PHTF2: variants seen among roughly 807,000 people sequenced by gnomAD.
The protein encoded by PHTF2 is protein PHTF2.
Under a neutral mutation model 101.2 loss-of-function variants are expected in PHTF2, and 60 were observed. The ratio of observed to expected loss-of-function variants is 0.59; its 90% CI spans 0.48 to 0.73. The LOEUF is 0.73. Among genes scored for constraint, PHTF2 ranks in the 30% least tolerant of loss-of-function variants. The pLI is 0.00. For synonymous variants in PHTF2, 311 were observed against 307.3 expected (o/e 1.01, Z -0.13); for missense variants, 747 against 908.7 (o/e 0.82, Z 2.29).
At chr7:77,841,140 C>T (rs142720803) in intron 2 of PHTF2, among the ~76,000 whole-genome samples, 1,410 of 123,648 alleles carry the variant, frequency 0.011, 9 homozygotes, top group Middle Eastern at 0.051. Context: ...AGTGTAGTGG[C>T]GCGATCTCGG....
chr7:77,904,523 G>A (rs1446822894), intron 7 of PHTF2, among the ~76,000 whole-genome samples: 1 of 152,172 alleles, frequency 6.6e-6, no homozygotes, highest in Non-Finnish European at 1.5e-5. Flanking sequence ...CATTCTGAGG[G>A]GTGGAAGTGC....
chr7:77,881,301 C>T lies in PHTF2; in HGVS notation c.148-12307C>T, dbSNP rs1393475085. On this transcript the variant is annotated intron_variant, in intron 3 of 19. Transcript: ENST00000416283. ...TATCCAATTTTTGTAAGTCTCATTA[C>T]CTGCTTTTGATTCTTCTCCCCTCCA... Among the ~76,000 whole-genome samples, 10 of 152,248 alleles carry T rather than the reference C, an allele frequency of 6.6e-5. No homozygotes were observed. The East Asian group carries it at 1.7e-3, about 26-fold the overall frequency.
At chr7:77,932,404 G>A (rs1423411598) in intron 12 of PHTF2, among the ~76,000 whole-genome samples, 4 of 152,118 alleles carry the variant, frequency 2.6e-5, no homozygotes, top group African/African-American at 9.7e-5. Context: ...CATGCAGCAA[G>A]CAAGATGGTA....
chr7:77,949,693 G>A (rs200726377), exon 17 of PHTF2: 89 of 1,570,064 alleles, frequency 5.7e-5, no homozygotes, highest in Non-Finnish European at 7.3e-5. Flanking sequence ...TCATGTACAC[G>A]AGATCTTCCT....
chr7:77,911,008 G>A (rs140330071), intron 9 of PHTF2, among the ~76,000 whole-genome samples: 1 of 152,244 alleles, frequency 6.6e-6, no homozygotes, highest in Admixed American at 6.5e-5. Flanking sequence ...AAAATTGGCT[G>A]TATTAAAATG....
chr7:77,917,169 T>A (rs992293098), intron 9 of PHTF2, among the ~76,000 whole-genome samples: 5 of 152,164 alleles, frequency 3.3e-5, no homozygotes, highest in African/African-American at 7.2e-5. Context: ...GATGATCAGA[T>A]CAACCTAATT....
intron 9 of PHTF2, among the ~76,000 whole-genome samples, chr7:77,916,205 T>A (rs1404585338): frequency 6.6e-6 from 1 of 152,188 alleles, no homozygotes; most frequent in Admixed American, 6.5e-5. Context: ...TTAACTTCCC[T>A]TTTAAAAATG....
chr7:77,914,748 A>G (rs889206412), intron 9 of PHTF2, among the ~76,000 whole-genome samples: 2 of 152,140 alleles, frequency 1.3e-5, no homozygotes, highest in African/African-American at 2.4e-5. Context: ...TCAATTTTCA[A>G]TATTCTGAAA....
At position 77,814,330 on chromosome 7, in the gene PHTF2, C is replaced by A. The variant is rs1049791402; in HGVS notation, c.-36+15359C>A. 5.3e-5 allele frequency among the ~76,000 whole-genome samples: 8 copies of A among 152,132 alleles called. 1 individual carries two copies. Among genetic ancestry groups the A allele is most frequent in the Admixed American group, 5.2e-4 (8 of 15,276 alleles). ...ACATAACCTTGTTTCATATGTGTTT[C>A]TATTTAAAGACACCTTATTTAATTT... On this transcript the variant is annotated intron_variant, in intron 1 of 19. Transcript: ENST00000416283.
chr7:77,859,230 C>G (rs530853453), intron 3 of PHTF2, among the ~76,000 whole-genome samples: 7 of 152,282 alleles, frequency 4.6e-5, no homozygotes, highest in Non-Finnish European at 1.0e-4. Flanking sequence ...CTGCAAAGAC[C>G]TTATTTCCAA....
chr7:77,804,486 C>A (rs1039817272), intron 1 of PHTF2, among the ~76,000 whole-genome samples: 5 of 152,062 alleles, frequency 3.3e-5, no homozygotes, highest in Non-Finnish European at 2.9e-5. Flanking sequence ...TCACCGTGCC[C>A]GGCTAATTTT....
intron 1 of PHTF2, among the ~76,000 whole-genome samples, chr7:77,826,450 G>A (rs1794703283): frequency 1.3e-5 from 2 of 152,226 alleles, no homozygotes; most frequent in Non-Finnish European, 2.9e-5. Flanking sequence ...TAGTATGGTG[G>A]CTTCACCCAA....
intron 8 of PHTF2, 93 bp from the exon 8 acceptor site, chr7:77,910,152 T>G: frequency 1.1e-6 from 1 of 899,754 alleles, no homozygotes; most frequent in Non-Finnish European, 1.7e-6. Flanking sequence ...AAAGTTCCTG[T>G]GTTTATGTTT....
At chr7:77,945,183 A>G (rs1343791020) in intron 16 of PHTF2, among the ~76,000 whole-genome samples, 3 of 152,146 alleles carry the variant, frequency 2.0e-5, no homozygotes, top group Non-Finnish European at 4.4e-5. Context: ...TACTGAAAAT[A>G]CAAAATTAAC....
At chr7:77,940,356 A>T (rs1805539585) in intron 14 of PHTF2, 54 bp downstream of exon 13, 1 of 1,459,030 alleles carries the variant, frequency 6.9e-7, no homozygotes, top group South Asian at 1.3e-5. Flanking sequence ...TCATAATATT[A>T]AAAGTATTCC....
chr7:77,953,858 T>C (rs777603069), exon 19 of PHTF2: 4 of 1,613,460 alleles, frequency 2.5e-6, no homozygotes, highest in Non-Finnish European at 3.4e-6. Context: ...CAGCTGTTTC[T>C]GGTGTTATCA....
intron 3 of PHTF2, among the ~76,000 whole-genome samples, chr7:77,886,005 A>G (rs1233526864): frequency 6.6e-6 from 1 of 152,220 alleles, no homozygotes; most frequent in Admixed American, 6.5e-5. Flanking sequence ...ATTATGATGT[A>G]TCTGTTCATT....
At chr7:77,829,905 A>G (rs1480941040) in intron 1 of PHTF2, among the ~76,000 whole-genome samples, 1 of 152,188 alleles carries the variant, frequency 6.6e-6, no homozygotes, top group African/African-American at 2.4e-5. Context: ...ATTATACTTC[A>G]TGATATCTTT....
chr7:77,815,207 T>C (rs557680053), intron 1 of PHTF2, among the ~76,000 whole-genome samples: 3 of 152,362 alleles, frequency 2.0e-5, no homozygotes, highest in East Asian at 3.9e-4. Flanking sequence ...AGTGTCATCT[T>C]GTTCAGCCTT....
Sources: gnomAD v4.1 joint callset for allele counts (sites outside exome capture counted in the v4.1 genomes callset) on GRCh38, gnomAD v4.1.1 for gene constraint, MANE v1.5 for transcripts, NCBI Gene and HGNC (gene_info 2026-07-23, HGNC 2026-07-21) for gene names.